GAK: variants seen among roughly 807,000 people sequenced by gnomAD.
GAK encodes cyclin-G-associated kinase.
Under a neutral mutation model 143.9 loss-of-function variants are expected in GAK, and 79 were observed. The ratio of observed to expected loss-of-function variants is 0.55; its 90% CI spans 0.46 to 0.66. GAK has a LOEUF of 0.66. GAK is among the 30% of genes least tolerant of loss of function. The pLI is 0.00. For synonymous variants in GAK, 881 were observed against 765.5 expected, an observed-to-expected ratio of 1.15 and a Z score of -2.49; for missense variants, 1,693 against 1,779.7, an observed-to-expected ratio of 0.95 and a Z score of 0.88.
chr4:865,038 CCT>C, intron 23 of GAK, 82 bp downstream of exon 23: 1 of 1,527,722 alleles, frequency 6.5e-7, no homozygotes, highest in Admixed American at 1.9e-5. Context: ...CAGAGAGGGC[CCT>C]GTTACAGGTA....
Position 877,761 on chromosome 4 carries a change from G to A in GAK, c.1710C>T (p.Pro570=). 6.2e-7 allele frequency: 1 copy of A among 1,612,144 alleles called. No individual in the cohort carries two copies. The highest frequency in any genetic ancestry group is 8.5e-7 in the Non-Finnish European group (1 of 1,179,408). The change falls in exon 16 of 28, where the codon CCC becomes CCT. Residue 570 remains proline, a synonymous_variant. Coordinates refer to ENST00000314167, the MANE Select transcript of GAK (RefSeq NM_005255.4). ...CCCTCACCAGGATGGGCTTGCTGTG[G>A]GGTGTGATGGGCTCCTCCGCCACCA... The part of the protein sequence containing the change: ...CDMVAEEPIT[P]HSKPILVRAV...
chr4:861,075 G>A (rs963580307), intron 23 of GAK, among the ~76,000 whole-genome samples: 1 of 152,142 alleles, frequency 6.6e-6, no homozygotes, highest in African/African-American at 2.4e-5. Context: ...ATAGAAGACG[G>A]CGAGCTTAAC....
chr4:914,505 C>A (rs1332907442), intron 1 of GAK, among the ~76,000 whole-genome samples: 4 of 106,662 alleles, frequency 3.8e-5, no homozygotes, highest in African/African-American at 7.4e-5. Context: ...GTGCACGGCC[C>A]CACACACACA....
At chr4:858,199 C>T (rs1455784956) in intron 24 of GAK, among the ~76,000 whole-genome samples, 2 of 152,250 alleles carry the variant, frequency 1.3e-5, no homozygotes, top group Admixed American at 1.3e-4. Flanking sequence ...CTTCTACATC[C>T]TTGCAGCCTT....
chr4:870,277 G>A (rs1219188567), intron 19 of GAK, among the ~76,000 whole-genome samples: 1 of 152,172 alleles, frequency 6.6e-6, no homozygotes, highest in Non-Finnish European at 1.5e-5. Context: ...AGCACTTCCT[G>A]GGCTGCCGTT....
At chr4:872,284 C>T (rs763740676) in intron 18 of GAK, 2 of 152,278 alleles carry the variant, frequency 1.3e-5, no homozygotes, top group Non-Finnish European at 2.9e-5. Context: ...GAGCAGCGCC[C>T]CCTCAATGCC....
At chr4:857,147 C>A (rs1749428733) in intron 24 of GAK, among the ~76,000 whole-genome samples, 1 of 152,164 alleles carries the variant, frequency 6.6e-6, no homozygotes. Flanking sequence ...GAAATGTCAG[C>A]CTTGGATTCC....
intron 1 of GAK, among the ~76,000 whole-genome samples, chr4:928,358 C>T (rs779930542): frequency 2.0e-5 from 3 of 152,146 alleles, no homozygotes; most frequent in African/African-American, 7.2e-5. Context: ...GTGCCCGGCC[C>T]GGTCTACTTT....
intron 1 of GAK, among the ~76,000 whole-genome samples, chr4:922,947 G>A (rs1577325969): frequency 6.6e-6 from 1 of 152,324 alleles, no homozygotes; most frequent in East Asian, 1.9e-4. Flanking sequence ...GCACACTCAC[G>A]CAGAGGAGTC....
intron 1 of GAK, among the ~76,000 whole-genome samples, chr4:919,767 T>C (rs1472121096): frequency 6.6e-6 from 1 of 152,256 alleles, no homozygotes; most frequent in East Asian, 1.9e-4. Context: ...CTGTTTACCG[T>C]CTGTCTCAGC....
chr4:931,322 G>A (rs2152990143), intron 1 of GAK, among the ~76,000 whole-genome samples: 1 of 152,240 alleles, frequency 6.6e-6, no homozygotes, highest in East Asian at 1.9e-4. Context: ...TACTACACAC[G>A]GAATCACACG....
intron 16 of GAK, 149 bp downstream of exon 16, chr4:877,466 G>A: frequency 1.2e-6 from 1 of 815,118 alleles, no homozygotes; most frequent in East Asian, 2.7e-5. Flanking sequence ...TGCTGACCAG[G>A]ATCCCAAGTG....
rs1007701072 is a variant in GAK, at chr4:850,104, C to A, written c.3658-36G>T. 2.6e-6 allele frequency: 4 copies of A among 1,524,800 alleles called. No individual in the cohort carries two copies. In the South Asian group the frequency reaches 4.8e-5, roughly 18 times the overall value. 94.5% of individuals were successfully genotyped at this position (1,524,800 alleles called of 1,614,324 possible). A position where few individuals can be genotyped will look rare whatever the true frequency, so the allele number is the denominator to read the frequency against. On this transcript the variant is annotated intron_variant, in intron 26 of 27. Transcript: ENST00000314167. ...CACGGAGCTTGCCGAGCCCTGGGCACCTGCCTGCCCTCCTCCTCTGCACCG... is the reference window on the plus strand; with the variant it reads ...CACGGAGCTTGCCGAGCCCTGGGCAACTGCCTGCCCTCCTCCTCTGCACCG...
intron 7 of GAK, 176 bp from the exon 8 acceptor site, chr4:894,185 G>A: frequency 1.5e-6 from 1 of 665,950 alleles, no homozygotes; most frequent in Non-Finnish European, 2.3e-6. Flanking sequence ...GGTGATATCG[G>A]GAACATGGGA....
chr4:922,564 C>T lies in GAK; in HGVS notation c.146-8896G>A, dbSNP rs117801327. Among the ~76,000 whole-genome samples, 12 of 151,528 alleles carry T rather than the reference C, an allele frequency of 7.9e-5. No homozygotes were observed. The East Asian group carries it at 2.3e-3, about 29-fold the overall frequency. On this transcript the variant is annotated intron_variant, in intron 1 of 27. Coordinates refer to ENST00000314167, the MANE Select transcript of GAK (RefSeq NM_005255.4). ...GCATCTGCAAACCAGCAAAAGAGGC[C>T]TCTCCTGGAATCAGCACTGACAGCA...
intron 23 of GAK, among the ~76,000 whole-genome samples, chr4:861,754 G>T (rs139786950): frequency 6.5e-4 from 99 of 152,282 alleles, no homozygotes; most frequent in African/African-American, 2.3e-3. Context: ...GAGGAAGTTC[G>T]GGTGATCTGG....
intron 1 of GAK, among the ~76,000 whole-genome samples, chr4:921,815 A>G (rs1289788868): frequency 2.0e-5 from 3 of 152,180 alleles, no homozygotes; most frequent in Admixed American, 1.3e-4. Flanking sequence ...TTAAATCTAC[A>G]ATAAAGAACA....
chr4:914,927 GCCC>G (rs1385925500), intron 1 of GAK, among the ~76,000 whole-genome samples: 4 of 77,178 alleles, frequency 5.2e-5, no homozygotes, highest in South Asian at 5.2e-4. Flanking sequence ...AGCATATACG[GCCC>G]CCAACACACA....
intron 23 of GAK, among the ~76,000 whole-genome samples, chr4:863,328 T>C (rs1225157223): frequency 6.6e-6 from 1 of 152,198 alleles, no homozygotes. Flanking sequence ...GCAAAGAAAG[T>C]AGTTTACTGA....
Sources: allele counts gnomAD v4.1 joint callset (sites outside exome capture counted in the v4.1 genomes callset), GRCh38; gene constraint gnomAD v4.1.1; transcripts MANE v1.5; gene names NCBI Gene and HGNC (gene_info 2026-07-23, HGNC 2026-07-21).